The following SCGB3A2 variants were observed in gnomAD, a reference collection of about 807,000 sequenced individuals.
The protein encoded by SCGB3A2 is pneumo secretory protein 1.
Under a neutral mutation model 7.7 loss-of-function variants are expected in SCGB3A2, and 5 were observed. The ratio of observed to expected loss-of-function variants is 0.65; its 90% CI spans 0.34 to 1.36. The LOEUF (loss-of-function observed/expected upper bound fraction) is 1.36. Ranked by LOEUF, SCGB3A2 falls within the 40% of genes most tolerant of loss-of-function variation. The pLI, the probability that SCGB3A2 is intolerant of heterozygous loss-of-function variation, is 0.04. For synonymous variants in SCGB3A2, 44 were observed against 42.7 expected, an observed-to-expected ratio of 1.03 and a Z score of -0.12; for missense variants, 109 against 103.6, an observed-to-expected ratio of 1.05 and a Z score of -0.23.
In SCGB3A2 at chr5:147,881,763, T is replaced by C; in HGVS notation, c.258+115T>C. On this transcript the variant is annotated intron_variant, in intron 2 of 2. Coordinates refer to ENST00000296694, the MANE Select transcript of SCGB3A2 (RefSeq NM_054023.5). The stretch of plus-strand genomic sequence containing the variant: ...ATTTCCACTTTACTGATTATATTCA[T>C]AGGAAGTTTGCACATCCTGGAATCT... The C allele has an allele frequency of 4.5e-6, 4 of 884,572 alleles. No individual in the cohort carries two copies. In the South Asian group the frequency reaches 5.3e-5, roughly 12 times the overall value. 54.8% of individuals were successfully genotyped at this position (884,572 alleles called of 1,614,324 possible).
At chr5:147,878,905 T>C in intron 1 of SCGB3A2, 47 bp downstream of exon 1, 1 of 1,392,440 alleles carries the variant, frequency 7.2e-7, no homozygotes, top group South Asian at 1.2e-5. Flanking sequence ...TCTTTACTTT[T>C]CTGTTAATAA....
At position 147,882,137 on chromosome 5, in the gene SCGB3A2, C is replaced by G; in HGVS notation, c.*87C>G. 1.5e-6 allele frequency: 2 copies of G among 1,320,136 alleles called. No individual in the cohort carries two copies. Among genetic ancestry groups the G allele is most frequent in the Non-Finnish European group, 2.2e-6 (2 of 914,176 alleles). 81.8% of individuals were successfully genotyped at this position (1,320,136 alleles called of 1,614,324 possible). ...GAAACCTGTTCTACCAATTATAGATCAAATGCCCTAAAATGTAGTGACCCG... is the reference window on the plus strand; with the variant it reads ...GAAACCTGTTCTACCAATTATAGATGAAATGCCCTAAAATGTAGTGACCCG... On this transcript the variant is annotated 3_prime_UTR_variant, in exon 3 of 3. Transcript: ENST00000296694.
rs751518266 is a variant in SCGB3A2 at position 147,882,067 on chromosome 5, G to A, written c.*17G>A. The A allele has an allele frequency of 1.5e-5, 24 of 1,613,178 alleles. No homozygotes were observed. The highest frequency in any genetic ancestry group is 2.2e-5 in the South Asian group (2 of 91,052). On this transcript the variant is annotated 3_prime_UTR_variant, in exon 3 of 3. Transcript: ENST00000296694. ...TTGGTGTGACATCAAGATAAAGAGC[G>A]GAGGTGGATGGGGATGGAAGATGAT...
chr5:147,879,833 A>G (rs563252129), intron 1 of SCGB3A2, among the ~76,000 whole-genome samples: 1 of 152,322 alleles, frequency 6.6e-6, no homozygotes, highest in South Asian at 2.1e-4. Flanking sequence ...ATTGCCGCCC[A>G]CACCTACAAT....
At chr5:147,880,525 C>T (rs968422317) in intron 1 of SCGB3A2, among the ~76,000 whole-genome samples, 5 of 152,126 alleles carry the variant, frequency 3.3e-5, no homozygotes, top group Non-Finnish European at 5.9e-5. Context: ...CTAATGGTTC[C>T]GTGCCTTTAT....
At chr5:147,880,922 G>A (rs1249979029) in intron 1 of SCGB3A2, 1 of 155,600 alleles carries the variant, frequency 6.4e-6, no homozygotes, top group East Asian at 1.9e-4. Context: ...ATTCACTATA[G>A]CATCTCTCCT....
intron 1 of SCGB3A2, chr5:147,881,211 G>A (rs1029558729): frequency 6.0e-6 from 3 of 503,754 alleles, no homozygotes; most frequent in Middle Eastern, 5.1e-4. Flanking sequence ...TCTCCGAGGA[G>A]GTAATATTTG....
Position 147,878,746 on chromosome 5 carries a change from G to T in SCGB3A2, c.-58G>T. 7.2e-7 allele frequency: 1 copy of T among 1,388,900 alleles called. No homozygotes were observed. Among genetic ancestry groups the T allele is most frequent in the African/African-American group, 1.4e-5 (1 of 70,560 alleles). 86.0% of individuals were successfully genotyped at this position (1,388,900 alleles called of 1,614,324 possible). On this transcript the variant is annotated 5_prime_UTR_variant, in exon 1 of 3. Transcript: ENST00000296694. ...TGGCAAGTGGAACCACTGGCTTGGTGGATTTTGCTAGATTTTTCTGATTTT... is the reference window on the plus strand; with the variant it reads ...TGGCAAGTGGAACCACTGGCTTGGTTGATTTTGCTAGATTTTTCTGATTTT...
chr5:147,880,370 C>T (rs918117014), intron 1 of SCGB3A2, among the ~76,000 whole-genome samples: 1 of 152,106 alleles, frequency 6.6e-6, no homozygotes, highest in Admixed American at 6.6e-5. Flanking sequence ...CTTTGTGTGA[C>T]ATCCAACACT....
Position 147,882,175 on chromosome 5 carries a change from A to G in SCGB3A2, c.*125A>G. 1 of 928,782 alleles carries G rather than the reference A, an allele frequency of 1.1e-6. No homozygotes were observed. Among genetic ancestry groups the G allele is most frequent in the Middle Eastern group, 2.1e-4 (1 of 4,704 alleles). 57.5% of individuals were successfully genotyped at this position (928,782 alleles called of 1,614,324 possible). ...ATGTAGTGACCCGTGAAAAGGACAA[A>G]TAAAGCAATGAATACATTTTCAGTC... On this transcript the variant is annotated 3_prime_UTR_variant, in exon 3 of 3. Coordinates refer to ENST00000296694, the MANE Select transcript of SCGB3A2 (RefSeq NM_054023.5).
In SCGB3A2 at chr5:147,881,356, T is replaced by C. The variant is rs576050539; in HGVS notation, c.56-90T>C. ...GGAAGTAAGATGAGTGGATCTGGAA[T>C]GGAGCTATTGATGGACACAGGGAAA... On this transcript the variant is annotated intron_variant, in intron 1 of 2. Transcript: ENST00000296694. 9.2e-6 allele frequency: 9 copies of C among 981,986 alleles called. No individual in the cohort carries two copies. In the African/African-American group the frequency reaches 1.1e-4, roughly 12 times the overall value. The allele number at this position is 981,986 out of a possible 1,614,324, so 60.8% of individuals were successfully genotyped here. A position where few individuals can be genotyped will look rare whatever the true frequency, so the allele number is the denominator to read the frequency against.
intron 1 of SCGB3A2, among the ~76,000 whole-genome samples, chr5:147,879,829 G>A (rs1021336604): frequency 6.6e-6 from 1 of 152,112 alleles, no homozygotes; most frequent in Non-Finnish European, 1.5e-5. Flanking sequence ...ATTGATTGCC[G>A]CCCACACCTA....
Position 147,878,824 on chromosome 5 carries a change from C to T in SCGB3A2, c.21C>T (p.Phe7=), listed in dbSNP as rs893055956. 2 of 1,612,754 alleles carry T rather than the reference C, an allele frequency of 1.2e-6. No individual in the cohort carries two copies. The highest frequency in any genetic ancestry group is 1.7e-6 in the Non-Finnish European group (2 of 1,178,826). ...CTGTCATGAAGCTGGTAACTATCTTCCTGCTGGTGACCATCAGCCTTTGTA... is the reference window on the plus strand; with the variant it reads ...CTGTCATGAAGCTGGTAACTATCTTTCTGCTGGTGACCATCAGCCTTTGTA... MKLVTI[F]LLVTISLCSY... Residue 7 remains phenylalanine, a synonymous_variant, in exon 1 of 3, where the codon TTC becomes TTT. Transcript: ENST00000296694.
intron 1 of SCGB3A2, chr5:147,880,820 T>C (rs1365475718): frequency 1.3e-5 from 2 of 153,630 alleles, no homozygotes; most frequent in Non-Finnish European, 2.9e-5. Context: ...CTAGATAGAG[T>C]TGGTGCTCAA....
intron 1 of SCGB3A2, chr5:147,881,166 T>A: frequency 5.8e-6 from 2 of 343,126 alleles, no homozygotes; most frequent in East Asian, 4.9e-5. Flanking sequence ...TAAGAAAAAA[T>A]AAATGACGGA....
At chr5:147,881,951 C>T (rs766578783) in intron 2 of SCGB3A2, 76 bp from the exon 3 acceptor site, 34 of 1,504,278 alleles carry the variant, frequency 2.3e-5, no homozygotes, top group African/African-American at 5.5e-5. Flanking sequence ...AAACAGGACA[C>T]TGGAAGTGAA....
chr5:147,882,028 A>G lies in SCGB3A2; in HGVS notation c.260A>G (p.Glu87Gly). Residue 87 changes from glutamate to glycine, a missense_variant and splice_region_variant, in exon 3 of 3, where the codon GAG (glutamate) becomes GGG (glycine). Transcript: ENST00000296694. ...TTTTGTTGTCCTTCTACATTTCAGG[A>G]GGCGCTATCACACTTGGTGTGACAT... ...EASEAVKKLL[E>G]ALSHLV 6.2e-7 allele frequency: 1 copy of G among 1,613,804 alleles called. No homozygotes were observed. The highest frequency in any genetic ancestry group is 8.5e-7 in the Non-Finnish European group (1 of 1,179,780).
intron 2 of SCGB3A2, 79 bp downstream of exon 2, chr5:147,881,727 T>C (rs1392894206): frequency 2.0e-5 from 22 of 1,113,088 alleles, no homozygotes; most frequent in Non-Finnish European, 2.6e-6. Context: ...TCTTGTCCCT[T>C]GTAAATGTGC....
Position 147,881,443 on chromosome 5 carries a change from C to A in SCGB3A2, c.56-3C>A. 1 of 1,613,402 alleles carries A rather than the reference C, an allele frequency of 6.2e-7. No homozygotes were observed. The highest frequency in any genetic ancestry group is 8.5e-7 in the Non-Finnish European group (1 of 1,179,472). ...TCTCACCTGGTTTCTCTTTTTCCTG[C>A]AGCTACTGCCTTCCTCATCAACAAA... On this transcript the variant is annotated splice_region_variant and splice_polypyrimidine_tract_variant and intron_variant, in intron 1 of 2. Transcript: ENST00000296694.
Sources: allele counts gnomAD v4.1 joint callset (sites outside exome capture counted in the v4.1 genomes callset), GRCh38; gene constraint gnomAD v4.1.1; transcripts MANE v1.5; gene names NCBI Gene and HGNC (gene_info 2026-07-23, HGNC 2026-07-21).